The following HAUS4 variants were observed in gnomAD, a reference collection of about 807,000 sequenced individuals.
The protein encoded by HAUS4 is HAUS augmin like complex subunit 4, also known as HAUS augmin-like complex subunit 4.
HAUS4 carries 34 observed loss-of-function variants against 50.6 expected under a neutral mutation model. The ratio of observed to expected loss-of-function variants is 0.67; its 90% CI spans 0.51 to 0.90. The LOEUF is 0.90. Among genes scored for constraint, HAUS4 ranks in the 40% least tolerant of loss-of-function variants. The pLI is 0.00. For synonymous variants in HAUS4, 149 were observed against 161.4 expected, an observed-to-expected ratio of 0.92 and a Z score of 0.58; for missense variants, 370 against 428.7, an observed-to-expected ratio of 0.86 and a Z score of 1.21.
chr14:22,947,097 T>G, intron 9 of HAUS4, 74 bp downstream of exon 9: 1 of 1,032,890 alleles, frequency 9.7e-7, no homozygotes, highest in Non-Finnish European at 1.5e-6. Flanking sequence ...AATGGCAACA[T>G]CTTTAAATAA....
At position 22,946,692 on chromosome 14, in the gene HAUS4, C is replaced by T; in HGVS notation, c.925G>A (p.Ala309Thr). The change falls in exon 10 of 10, where the codon GCC (alanine) becomes ACC (threonine). Residue 309 changes from alanine (A) to threonine (T), a missense_variant. Coordinates refer to ENST00000541587, the MANE Select transcript of HAUS4 (RefSeq NM_001166269.2). The part of the protein sequence containing the change: ...HRLIRDRLEG[A>T]IHLQEQDMEN... ...ATGTCCTGCTCCTGTAGGTGAATGGCTCCCTCCAAACGGTCCCTAAGAGCC... is the reference window on the plus strand; with the variant it reads ...ATGTCCTGCTCCTGTAGGTGAATGGTTCCCTCCAAACGGTCCCTAAGAGCC... The T allele has an allele frequency of 1.2e-6, 2 of 1,611,626 alleles. No homozygotes were observed. Among genetic ancestry groups the T allele is most frequent in the Non-Finnish European group, 1.7e-6 (2 of 1,178,512 alleles).
intron 9 of HAUS4, 135 bp from the exon 10 acceptor site, chr14:22,946,843 G>A: frequency 1.6e-6 from 1 of 637,890 alleles, no homozygotes; most frequent in Non-Finnish European, 2.6e-6. Context: ...GAGTGCAGTG[G>A]TATGATCTTG....
chr14:22,951,428 T>G, intron 5 of HAUS4, 127 bp downstream of exon 5: 1 of 1,048,912 alleles, frequency 9.5e-7, no homozygotes, highest in East Asian at 2.6e-5. Flanking sequence ...TTTTCTTATT[T>G]GAGTCTGACC....
At chr14:22,947,806 T>C in intron 7 of HAUS4, 62 bp downstream of exon 7, 2 of 1,610,066 alleles carry the variant, frequency 1.2e-6, no homozygotes, top group Non-Finnish European at 1.7e-6. Context: ...AATCTTTGTC[T>C]TCCCCAAAAG....
In HAUS4 at chr14:22,947,381, A is replaced by G. The variant is rs553909683; in HGVS notation, c.840-142T>C. On this transcript the variant is annotated intron_variant, in intron 8 of 9. Coordinates refer to ENST00000541587, the MANE Select transcript of HAUS4 (RefSeq NM_001166269.2). ...CAAGGTCACTCTGAATTCCCGAGCAATTGATCTCACAGTAAAGTGCCTATT... is the reference window on the plus strand; with the variant it reads ...CAAGGTCACTCTGAATTCCCGAGCAGTTGATCTCACAGTAAAGTGCCTATT... 9 of 742,018 alleles carry G rather than the reference A, an allele frequency of 1.2e-5. No homozygotes were observed. In the East Asian group the frequency reaches 2.4e-4, roughly 20 times the overall value. The allele number at this position is 742,018 out of a possible 1,614,324, so 46.0% of individuals were successfully genotyped here.
intron 6 of HAUS4, among the ~76,000 whole-genome samples, chr14:22,948,570 C>T (rs2044689702): frequency 1.3e-5 from 2 of 151,796 alleles, no homozygotes; most frequent in South Asian, 4.2e-4. Flanking sequence ...GAGTCTCTCA[C>T]TGTCACCTCG....
chr14:22,951,416 G>A lies in HAUS4; in HGVS notation c.465+139C>T, dbSNP rs1344126154. 1.6e-5 allele frequency: 14 copies of A among 896,374 alleles called. No individual in the cohort carries two copies. The Admixed American group carries it at 2.4e-4, about 15-fold the overall frequency. 55.5% of individuals were successfully genotyped at this position (896,374 alleles called of 1,614,324 possible). On this transcript the variant is annotated intron_variant, in intron 5 of 9. Coordinates refer to ENST00000541587, the MANE Select transcript of HAUS4 (RefSeq NM_001166269.2). ...CAGCTTTTACTTGCTCCTGTGTAAC[G>A]TTTTTCTTATTTGAGTCTGACCACC...
chr14:22,952,820 T>A (rs2044780567), intron 2 of HAUS4, 137 bp from the exon 3 acceptor site: 3 of 655,474 alleles, frequency 4.6e-6, no homozygotes, highest in Non-Finnish European at 7.3e-6. Flanking sequence ...AATGAGATTT[T>A]TTAAAAATCC....
rs182209371 is a variant in HAUS4, at chr14:22,947,405, T to C, written c.840-166A>G. 1.5e-4 allele frequency: 112 copies of C among 734,262 alleles called. No homozygotes were observed. In the African/African-American group the frequency reaches 1.6e-3, roughly 11 times the overall value. The allele number at this position is 734,262 out of a possible 1,614,324, so 45.5% of individuals were successfully genotyped here. A position where few individuals can be genotyped will look rare whatever the true frequency, so the allele number is the denominator to read the frequency against. ...AATTGATCTCACAGTAAAGTGCCTA[T>C]TTCAGAAGACTGTAAAAGAAAAGTC... On this transcript the variant is annotated intron_variant, in intron 8 of 9. Coordinates refer to ENST00000541587, the MANE Select transcript of HAUS4 (RefSeq NM_001166269.2).
intron 6 of HAUS4, among the ~76,000 whole-genome samples, chr14:22,948,428 T>A (rs2044683574): frequency 9.7e-6 from 1 of 103,220 alleles, no homozygotes; most frequent in African/African-American, 3.8e-5. Context: ...CCAGTCTGGG[T>A]GACAGAGTTT....
intron 2 of HAUS4, among the ~76,000 whole-genome samples, chr14:22,953,339 A>T (rs955361391): frequency 1.3e-5 from 2 of 151,960 alleles, no homozygotes; most frequent in African/African-American, 4.8e-5. Context: ...GTCTCACTAC[A>T]TTGCCCAGGC....
In HAUS4 at chr14:22,947,682, C is replaced by T. The variant is rs551628708; in HGVS notation, c.758G>A (p.Arg253Gln). ...TLLQRLLQEH[R>Q]LKTQSELDRI... ...GTCTAGCTCGGATTGAGTCTTCAGC[C>T]GGTGTTCTTGAAGAAGCCTCTGCAG... is the stretch of plus-strand genomic sequence containing the variant. Residue 253 changes from arginine (R) to glutamine (Q), a missense_variant, in exon 8 of 10, where the codon CGG becomes CAG. Physicochemically the swap from Arg to Gln is conservative, Grantham distance 43 (BLOSUM62 1). Coordinates refer to ENST00000541587, the MANE Select transcript of HAUS4 (RefSeq NM_001166269.2). 20 of 1,613,962 alleles carry T rather than the reference C, an allele frequency of 1.2e-5. No homozygotes were observed. Among genetic ancestry groups the T allele is most frequent in the East Asian group, 8.9e-5 (4 of 44,892 alleles).
At position 22,951,779 on chromosome 14, in the gene HAUS4, T is replaced by A. The variant is rs1390398658; in HGVS notation, c.331-90A>T. The stretch of plus-strand genomic sequence containing the variant: ...CATCCTTATGAACCAGTTTTTCACA[T>A]ATTTTCAAAGTCCTCAAATATATCA... On this transcript the variant is annotated intron_variant, in intron 4 of 9. Coordinates refer to ENST00000541587, the MANE Select transcript of HAUS4 (RefSeq NM_001166269.2). 5 of 1,270,256 alleles carry A rather than the reference T, an allele frequency of 3.9e-6. No homozygotes were observed. The African/African-American group carries it at 4.5e-5, about 11-fold the overall frequency. The allele number at this position is 1,270,256 out of a possible 1,614,324, so 78.7% of individuals were successfully genotyped here.
chr14:22,947,127 G>C, intron 9 of HAUS4, 44 bp downstream of exon 9: 1 of 1,242,022 alleles, frequency 8.1e-7, no homozygotes, highest in Non-Finnish European at 1.2e-6. Flanking sequence ...GGGAATGTGA[G>C]AACCACCTGT....
In HAUS4 at chr14:22,951,561, G is replaced by A; in HGVS notation, c.459C>T (p.Leu153=). ...EKADLLELMP[L]SEDFVWMRAR... is the part of the protein sequence containing the mutation. Reference sequence around the variant, plus strand: ...CCAATATCTCCCCGCCAACCTCTGAGAGTGGCATGAGTTCCAGAAGGTCCG... The same window carrying A: ...CCAATATCTCCCCGCCAACCTCTGAAAGTGGCATGAGTTCCAGAAGGTCCG... Residue 153 remains leucine (L), a synonymous_variant, in exon 5 of 10, where the codon CTC becomes CTT. Coordinates refer to ENST00000541587, the MANE Select transcript of HAUS4 (RefSeq NM_001166269.2). 1 of 1,613,942 alleles carries A rather than the reference G, an allele frequency of 6.2e-7. No individual in the cohort carries two copies. The highest frequency in any genetic ancestry group is 8.5e-7 in the Non-Finnish European group (1 of 1,179,880).
At chr14:22,951,805 T>TC in intron 4 of HAUS4, 116 bp from the exon 5 acceptor site, 2 of 902,338 alleles carry the variant, frequency 2.2e-6, no homozygotes, top group Admixed American at 2.9e-5. Flanking sequence ...AAATATATCA[T>TC]CCCCCCTCAG....
At position 22,952,371 on chromosome 14, in the gene HAUS4, T is replaced by C. The variant is rs978427406; in HGVS notation, c.287A>G (p.Tyr96Cys). Residue 96 changes from tyrosine to cysteine, a missense_variant, in exon 4 of 10, where the codon TAT (tyrosine) becomes TGT (cysteine). Coordinates refer to ENST00000541587, the MANE Select transcript of HAUS4 (RefSeq NM_001166269.2). Reference protein sequence around the residue: ...RVIQELLVDYYVKIQDTNVTS... With the variant: ...RVIQELLVDYCVKIQDTNVTS... The stretch of plus-strand genomic sequence containing the variant: ...TACATTTGTGTCTTGTATCTTCACA[T>C]AGTAGTCCACAAGCAACTCTTGAAT... 8 of 1,613,958 alleles carry C rather than the reference T, an allele frequency of 5.0e-6. No individual in the cohort carries two copies. The highest frequency in any genetic ancestry group is 2.7e-5 in the African/African-American group (2 of 74,894).
chr14:22,952,541 C>A lies in HAUS4; in HGVS notation c.198G>T (p.Gln66His). The A allele has an allele frequency of 1.9e-6, 3 of 1,613,152 alleles. No homozygotes were observed. The highest frequency in any genetic ancestry group is 2.5e-6 in the Non-Finnish European group (3 of 1,179,552). ...LSLTLAKEQA[Q>H]AWKEVRLHKT... ...TTATCTCTTCTCCCAAAGCCCTTAC[C>A]TGAGCCTGCTCCTTTGCTAGGGTGA... The change falls in exon 3 of 10, where the codon CAG becomes CAT. Residue 66 changes from glutamine (Q) to histidine (H), a missense_variant and splice_region_variant. Physicochemically the swap from Gln to His is conservative, Grantham distance 24. Coordinates refer to ENST00000541587, the MANE Select transcript of HAUS4 (RefSeq NM_001166269.2).
rs1449668966 is a variant in HAUS4 at position 22,957,019 on chromosome 14, G to A, written c.-126C>T. 3.2e-5 allele frequency: 5 copies of A among 154,258 alleles called. No individual in the cohort carries two copies. 9.6% of individuals were successfully genotyped at this position (154,258 alleles called of 1,614,324 possible). A position where few individuals can be genotyped will look rare whatever the true frequency, so the allele number is the denominator to read the frequency against. On this transcript the variant is annotated 5_prime_UTR_variant, in exon 1 of 10. Transcript: ENST00000541587. ...CACCCCAGAACCCGCCCGCGCCGGGGCTCCGGAACCTCTCGTTCGGGCCGG... is the reference window on the plus strand; with the variant it reads ...CACCCCAGAACCCGCCCGCGCCGGGACTCCGGAACCTCTCGTTCGGGCCGG...
Sources: allele counts gnomAD v4.1 joint callset (sites outside exome capture counted in the v4.1 genomes callset), GRCh38; gene constraint gnomAD v4.1.1; transcripts MANE v1.5; gene names NCBI Gene and HGNC (gene_info 2026-07-23, HGNC 2026-07-21).